The following MACROD2 variants were observed in gnomAD, a reference collection of about 807,000 sequenced individuals.
MACROD2 encodes ADP-ribose glycohydrolase MACROD2.
MACROD2 carries 36 observed loss-of-function variants against 70.4 expected under a neutral mutation model. The observed-to-expected ratio is 0.51, with a 90% confidence interval of 0.39 to 0.68. The LOEUF (loss-of-function observed/expected upper bound fraction) is 0.68. MACROD2 is among the 30% of genes least tolerant of loss of function. The pLI, the probability that MACROD2 is intolerant of heterozygous loss-of-function variation, is 0.00. For synonymous variants in MACROD2, 172 were observed against 178.8 expected, an observed-to-expected ratio of 0.96 and a Z score of 0.30; for missense variants, 496 against 538.4, an observed-to-expected ratio of 0.92 and a Z score of 0.78.
chr20:14,304,206 A>G (rs917206663), intron 3 of MACROD2, among the ~76,000 whole-genome samples: 2 of 152,300 alleles, frequency 1.3e-5, no homozygotes, highest in South Asian at 4.1e-4. Context: ...ATGACTACCT[A>G]TCCTTGGACA....
chr20:15,681,653 G>C (rs73614425), intron 8 of MACROD2, among the ~76,000 whole-genome samples: 3,949 of 152,234 alleles, frequency 0.026, 184 homozygotes, highest in East Asian at 0.21. Flanking sequence ...GTAGTTTGCA[G>C]GTGTTATATC....
At chr20:14,572,426 C>T (rs984862049) in intron 4 of MACROD2, among the ~76,000 whole-genome samples, 3 of 151,916 alleles carry the variant, frequency 2.0e-5, no homozygotes, top group Non-Finnish European at 4.4e-5. Flanking sequence ...AGTGTTACTC[C>T]TAGGTGTATA....
At position 14,155,856 on chromosome 20, in the gene MACROD2, T is replaced by A. The variant is rs186502874; in HGVS notation, c.271+70128T>A. Reference sequence around the variant, plus strand: ...ATATTTAATTATAAATATCAGTTTTTAATTTACAATGGCTACATTAATTAG... The same window carrying A: ...ATATTTAATTATAAATATCAGTTTTAAATTTACAATGGCTACATTAATTAG... On this transcript the variant is annotated intron_variant, in intron 3 of 17. Transcript: ENST00000684519. 2.1e-3 allele frequency among the ~76,000 whole-genome samples: 313 copies of A among 152,320 alleles called. 1 individual carries two copies. Among genetic ancestry groups the A allele is most frequent in the African/African-American group, 7.5e-3 (310 of 41,586 alleles).
At chr20:15,196,422 T>C (rs1291652023) in intron 5 of MACROD2, among the ~76,000 whole-genome samples, 3 of 152,172 alleles carry the variant, frequency 2.0e-5, no homozygotes, top group South Asian at 4.1e-4. Flanking sequence ...CTAAGATATA[T>C]GGCAATTTTA....
intron 8 of MACROD2, among the ~76,000 whole-genome samples, chr20:15,807,487 T>C (rs974365484): frequency 2.6e-5 from 4 of 152,182 alleles, no homozygotes; most frequent in African/African-American, 7.2e-5. Flanking sequence ...GATATAAGCC[T>C]GCACTATCTA....
At chr20:14,774,527 A>C (rs376803740) in intron 5 of MACROD2, among the ~76,000 whole-genome samples, 3 of 152,096 alleles carry the variant, frequency 2.0e-5, no homozygotes, top group African/African-American at 7.2e-5. Context: ...TTGGCTGTGG[A>C]TAATTTCTAT....
intron 2 of MACROD2, among the ~76,000 whole-genome samples, chr20:14,023,272 T>C (rs1231713810): frequency 6.6e-6 from 1 of 152,254 alleles, no homozygotes; most frequent in Non-Finnish European, 1.5e-5. Flanking sequence ...TAAATTTGTT[T>C]AAGTTCCTTG....
At chr20:14,625,094 C>G (rs956313240) in intron 4 of MACROD2, among the ~76,000 whole-genome samples, 1 of 151,930 alleles carries the variant, frequency 6.6e-6, no homozygotes, top group Middle Eastern at 3.2e-3. Flanking sequence ...CTTTGGGAGG[C>G]TGAGGTGGGT....
intron 5 of MACROD2, among the ~76,000 whole-genome samples, chr20:14,724,044 A>G (rs117853248): frequency 0.034 from 5,249 of 152,272 alleles, 126 homozygotes; most frequent in Non-Finnish European, 0.05. Context: ...GTGTATCTAC[A>G]TAGCATAAAA....
chr20:15,127,291 A>G (rs552883086), intron 5 of MACROD2, among the ~76,000 whole-genome samples: 1 of 152,272 alleles, frequency 6.6e-6, no homozygotes, highest in African/African-American at 2.4e-5. Context: ...AGATAACCTC[A>G]GGGTCAACCC....
chr20:14,807,089 T>G (rs1276228708), intron 5 of MACROD2, among the ~76,000 whole-genome samples: 1 of 152,126 alleles, frequency 6.6e-6, no homozygotes, highest in Non-Finnish European at 1.5e-5. Context: ...GCTGGAGCTC[T>G]GCCAAGGGAC....
intron 4 of MACROD2, among the ~76,000 whole-genome samples, chr20:14,633,167 C>A (rs1023843060): frequency 1.3e-5 from 2 of 152,236 alleles, no homozygotes; most frequent in Non-Finnish European, 2.9e-5. Context: ...CCTCTGTGGT[C>A]ACGTTGCCTT....
At chr20:14,641,423 C>T (rs370036126) in intron 4 of MACROD2, among the ~76,000 whole-genome samples, 4 of 152,210 alleles carry the variant, frequency 2.6e-5, no homozygotes, top group Non-Finnish European at 5.9e-5. Flanking sequence ...TTCCATGAAT[C>T]ACAAATGTTC....
At chr20:15,479,725 G>A (rs2047071559) in intron 7 of MACROD2, among the ~76,000 whole-genome samples, 1 of 152,160 alleles carries the variant, frequency 6.6e-6, no homozygotes, top group Non-Finnish European at 1.5e-5. Context: ...TTACGATAAA[G>A]GCTGAGTGCC....
intron 4 of MACROD2, among the ~76,000 whole-genome samples, chr20:14,593,135 A>G (rs550068038): frequency 2.3e-3 from 331 of 141,510 alleles, no homozygotes; most frequent in Non-Finnish European, 4.1e-3. Flanking sequence ...TACAAATGAT[A>G]TCCTTCAAGA....
At chr20:15,868,564 C>G (rs905757157) in intron 9 of MACROD2, among the ~76,000 whole-genome samples, 29 of 151,164 alleles carry the variant, frequency 1.9e-4, no homozygotes, top group African/African-American at 6.6e-4. Flanking sequence ...TCTTTATATA[C>G]CTTAAGCAAG....
At chr20:15,462,967 T>C (rs1182577630) in intron 7 of MACROD2, among the ~76,000 whole-genome samples, 1 of 152,242 alleles carries the variant, frequency 6.6e-6, no homozygotes, top group African/African-American at 2.4e-5. Flanking sequence ...ACTATGAATT[T>C]GGTAACGTTT....
intron 6 of MACROD2, among the ~76,000 whole-genome samples, chr20:15,318,455 G>A (rs1169506412): frequency 1.3e-5 from 2 of 152,118 alleles, no homozygotes; most frequent in African/African-American, 4.8e-5. Flanking sequence ...GAGGGAACAT[G>A]TTCTAACTCA....
chr20:15,695,742 T>C (rs1436280420), intron 8 of MACROD2, among the ~76,000 whole-genome samples: 1 of 152,154 alleles, frequency 6.6e-6, no homozygotes, highest in African/African-American at 2.4e-5. Context: ...TTTTGTAGTT[T>C]TCCTTGTAGA....
Sources: gnomAD v4.1 joint callset for allele counts (sites outside exome capture counted in the v4.1 genomes callset) on GRCh38, gnomAD v4.1.1 for gene constraint, MANE v1.5 for transcripts, NCBI Gene and HGNC (gene_info 2026-07-23, HGNC 2026-07-21) for gene names.